ZNF610: variants seen among roughly 807,000 people sequenced by gnomAD.
ZNF610 encodes the protein zinc finger protein 610.
In ZNF610, 14 loss-of-function variants were observed where a neutral mutation model predicts 14.1. The ratio of observed to expected loss-of-function variants is 0.99; its 90% CI spans 0.65 to 1.55. ZNF610 has a LOEUF of 1.55. Ranked by LOEUF, ZNF610 falls within the 40% of genes most tolerant of loss-of-function variation. ZNF610 has a pLI of 0.00. For missense variants in ZNF610, 530 were observed against 558.0 expected (o/e 0.95, Z 0.51); for synonymous variants, 185 against 187.6 (o/e 0.99, Z 0.11).
upstream of ZNF610, among the ~76,000 whole-genome samples, chr19:52,332,362 G>A (rs1398210942): frequency 1.3e-5 from 2 of 152,210 alleles, no homozygotes; most frequent in Non-Finnish European, 2.9e-5. The surrounding 1 kb of genome is among the most constrained non-coding windows in gnomAD (Gnocchi z 4.1). Context: ...GGATAGAGCA[G>A]GAGATGGATT....
rs572229875 is a variant in ZNF610 at position 52,338,808 on chromosome 19, G to A, written c.-258+2302G>A. 2.6e-5 allele frequency among the ~76,000 whole-genome samples: 4 copies of A among 152,266 alleles called. No homozygotes were observed. In the East Asian group the frequency reaches 7.7e-4, roughly 29 times the overall value. On this transcript the variant is annotated intron_variant, in intron 1 of 5. Transcript: ENST00000403906. ...AGGGGTGGCCTGCCCCTCCACACCT[G>A]TGGGTGTTTCTCGTCAGGTGGAATG... is the stretch of plus-strand genomic sequence containing the variant.
At chr19:52,360,708 G>T (rs1036171107) in intron 5 of ZNF610, among the ~76,000 whole-genome samples, 2 of 152,164 alleles carry the variant, frequency 1.3e-5, no homozygotes, top group Non-Finnish European at 2.9e-5. Flanking sequence ...GAGTATTGCA[G>T]GGATCAATGT....
chr19:52,350,765 C>A (rs1381351686), intron 3 of ZNF610, among the ~76,000 whole-genome samples: 1 of 152,158 alleles, frequency 6.6e-6, no homozygotes, highest in Non-Finnish European at 1.5e-5. Context: ...CTTTGGGAGG[C>A]CAAGGTGGGT....
rs2122313789 is a variant in ZNF610 at position 52,366,171 on chromosome 19, T to G, written c.793T>G (p.Cys265Gly). ...TGQKPYKCSE[C>G]DKVFNRNSNL... ...ACAGAAGCCTTACAAATGTAGTGAA[T>G]GTGACAAGGTGTTTAATCGCAATTC... Residue 265 changes from cysteine (C) to glycine (G), a missense_variant, in exon 6 of 6, where the codon TGT (cysteine) becomes GGT (glycine). Cys to Gly is a radical substitution (Grantham distance 159, BLOSUM62 -3). Transcript: ENST00000403906. 6.2e-7 allele frequency: 1 copy of G among 1,613,654 alleles called. No individual in the cohort carries two copies. The highest frequency in any genetic ancestry group is 1.1e-5 in the South Asian group (1 of 91,010).
At chr19:52,339,589 C>G (rs1172970595) in intron 1 of ZNF610, among the ~76,000 whole-genome samples, 1 of 147,040 alleles carries the variant, frequency 6.8e-6, no homozygotes, top group African/African-American at 2.7e-5. Flanking sequence ...TTTCTGCGGG[C>G]ACAGGGTTGG....
At chr19:52,331,268 C>T (rs1325452741), upstream of ZNF610, among the ~76,000 whole-genome samples, 2 of 152,176 alleles carry the variant, frequency 1.3e-5, no homozygotes, top group African/African-American at 4.8e-5. Flanking sequence ...CCCCAGTATA[C>T]TTAACCTTTG....
chr19:52,343,028 C>G (rs1984761573), intron 1 of ZNF610, among the ~76,000 whole-genome samples: 2 of 151,934 alleles, frequency 1.3e-5, no homozygotes, highest in Non-Finnish European at 2.9e-5. Flanking sequence ...ATTCCAGAAT[C>G]CTGTGTCCAC....
chr19:52,361,123 C>T (rs938279661), intron 5 of ZNF610, among the ~76,000 whole-genome samples: 1 of 151,506 alleles, frequency 6.6e-6, no homozygotes, highest in Non-Finnish European at 1.5e-5. Context: ...TCTTGGTGAG[C>T]AGTGTGTATC....
chr19:52,340,345 T>G (rs1387401348), intron 1 of ZNF610, among the ~76,000 whole-genome samples: 2 of 152,160 alleles, frequency 1.3e-5, no homozygotes, highest in Admixed American at 1.3e-4. Context: ...ACCGCGCCAC[T>G]GCACTCCAGC....
At chr19:52,336,715 C>A (rs1984401238) in intron 1 of ZNF610, among the ~76,000 whole-genome samples, 2 of 152,164 alleles carry the variant, frequency 1.3e-5, no homozygotes, top group South Asian at 2.1e-4. Flanking sequence ...CCCTTGAGAC[C>A]CCACACTTCT....
At chr19:52,345,608 G>A (rs1449115913) in intron 1 of ZNF610, 2 of 152,180 alleles carry the variant, frequency 1.3e-5, no homozygotes, top group Non-Finnish European at 2.9e-5. Flanking sequence ...ACAGTGAAGG[G>A]TTTAGCAGAA....
At chr19:52,352,423 A>G (rs1264923235) in intron 3 of ZNF610, among the ~76,000 whole-genome samples, 1 of 151,992 alleles carries the variant, frequency 6.6e-6, no homozygotes, top group African/African-American at 2.4e-5. Flanking sequence ...TTTTTAGTAG[A>G]GACGGGATTT....
Position 52,339,400 on chromosome 19 carries a change from A to G in ZNF610, c.-258+2894A>G, listed in dbSNP as rs1984556295. ...ATCACATGGGGAGAAACCTTGGACA[A>G]TACCTGGTTTTCCTAGGCAGAGTTC... On this transcript the variant is annotated intron_variant, in intron 1 of 5. Coordinates refer to ENST00000403906, the MANE Select transcript of ZNF610 (RefSeq NM_001161425.2). Among the ~76,000 whole-genome samples, 4 of 148,314 alleles carry G rather than the reference A, an allele frequency of 2.7e-5. No individual in the cohort carries two copies. In the South Asian group the frequency reaches 8.3e-4, roughly 31 times the overall value.
intron 1 of ZNF610, among the ~76,000 whole-genome samples, chr19:52,337,308 CG>C (rs577551219): frequency 1.3e-5 from 2 of 149,322 alleles, no homozygotes; most frequent in Non-Finnish European, 3.0e-5. Context: ...GCCTGGGATC[CG>C]GGGGGGCCAG....
chr19:52,365,894 AACAC>A lies in ZNF610; in HGVS notation c.520_523del (p.His174PhefsTer50), dbSNP rs1490877396. On this transcript the variant is annotated frameshift_variant, in exon 6 of 6. Transcript: ENST00000403906. LOFTEE classifies it low-confidence loss of function (END_TRUNC). Reference sequence around the variant, plus strand: ...TTCAAAAAATTTCTTCTAGTTTCACAACACACATTTTTAATAAATATAGAAATGA... The same window carrying A: ...TTCAAAAAATTTCTTCTAGTTTCACAACATTTTTAATAAATATAGAAATGA... The A allele has an allele frequency of 6.2e-7, 1 of 1,612,936 alleles. No homozygotes were observed. The highest frequency in any genetic ancestry group is 8.5e-7 in the Non-Finnish European group (1 of 1,179,702).
intron 5 of ZNF610, among the ~76,000 whole-genome samples, chr19:52,359,160 T>A (rs1405988073): frequency 6.6e-6 from 1 of 152,186 alleles, no homozygotes; most frequent in Non-Finnish European, 1.5e-5. Flanking sequence ...TTAGGATGAG[T>A]TTATTTATGA....
intron 5 of ZNF610, among the ~76,000 whole-genome samples, chr19:52,357,356 A>G (rs1386283397): frequency 2.6e-5 from 4 of 152,126 alleles, no homozygotes. Context: ...ACAAAAAATT[A>G]AAAAATTGGC....
chr19:52,365,877 A>G lies in ZNF610; in HGVS notation c.499A>G (p.Ile167Val), dbSNP rs748005839. 6.2e-7 allele frequency: 1 copy of G among 1,613,352 alleles called. No individual in the cohort carries two copies. Among genetic ancestry groups the G allele is most frequent in the South Asian group, 1.1e-5 (1 of 90,720 alleles). ...TTCCTCAGTTTCACCACTTCAAAAA[A>G]TTTCTTCTAGTTTCACAACACACAT... ...HRSSVSPLQK[I>V]SSSFTTHIFN... The change falls in exon 6 of 6, where the codon ATT becomes GTT. Residue 167 changes from isoleucine (I) to valine (V), a missense_variant. Coordinates refer to ENST00000403906, the MANE Select transcript of ZNF610 (RefSeq NM_001161425.2).
intron 1 of ZNF610, among the ~76,000 whole-genome samples, chr19:52,342,175 T>G (rs534695676): frequency 5.3e-5 from 8 of 152,310 alleles, no homozygotes; most frequent in African/African-American, 1.9e-4. Flanking sequence ...ACTCCTGAGC[T>G]GAAGTGATTT....
Sources: gnomAD v4.1 joint callset for allele counts (sites outside exome capture counted in the v4.1 genomes callset) on GRCh38, gnomAD v4.1.1 for gene constraint, Gnocchi (gnomAD v3.1) non-coding constraint, MANE v1.5 for transcripts, NCBI Gene and HGNC (gene_info 2026-07-23, HGNC 2026-07-21) for gene names.